The following DCLK3 variants were observed in gnomAD, a reference collection of about 807,000 sequenced individuals.
DCLK3 encodes doublecortin like kinase 3.
DCLK3 carries 30 observed loss-of-function variants against 46.4 expected under a neutral mutation model. The observed-to-expected ratio is 0.65, with a 90% CI of 0.48 to 0.88. The LOEUF (loss-of-function observed/expected upper bound fraction) is 0.88. DCLK3 is among the 40% of genes least tolerant of loss of function. The pLI, the probability that DCLK3 is intolerant of heterozygous loss-of-function variation, is 0.00. For synonymous variants in DCLK3, 401 were observed against 339.2 expected, an observed-to-expected ratio of 1.18 and a Z score of -2.00; for missense variants, 846 against 907.1, an observed-to-expected ratio of 0.93 and a Z score of 0.87.
chr3:36,742,429 C>G (rs2125533175), intron 1 of DCLK3, among the ~76,000 whole-genome samples: 1 of 152,300 alleles, frequency 6.6e-6, no homozygotes, highest in African/African-American at 2.4e-5. Context: ...AGAACAGCCT[C>G]CATCCCAGGG....
chr3:36,746,999 T>C (rs1333585785), intron 1 of DCLK3, among the ~76,000 whole-genome samples: 1 of 152,248 alleles, frequency 6.6e-6, no homozygotes. Context: ...AGTATCCTTT[T>C]GGGAGTGCAA....
In DCLK3 at chr3:36,715,186, T is replaced by A. The variant is rs1700959568; in HGVS notation, c.*142A>T. 3 of 878,838 alleles carry A rather than the reference T, an allele frequency of 3.4e-6. No homozygotes were observed. The highest frequency in any genetic ancestry group is 3.6e-5 in the Admixed American group (1 of 27,758). 54.4% of individuals were successfully genotyped at this position (878,838 alleles called of 1,614,324 possible). A position where few individuals can be genotyped will look rare whatever the true frequency, so the allele number is the denominator to read the frequency against. ...TAACATTGACTTAATTTTTTTAATA[T>A]GCTTTAAAATATACTCAGTGTCTCT... is the stretch of plus-strand genomic sequence containing the variant. On this transcript the variant is annotated 3_prime_UTR_variant, in exon 5 of 5. Transcript: ENST00000636136.
chr3:36,750,239 C>A (rs1032009990), intron 1 of DCLK3, among the ~76,000 whole-genome samples: 1 of 152,050 alleles, frequency 6.6e-6, no homozygotes, highest in Admixed American at 6.6e-5. Flanking sequence ...TACTACCACG[C>A]CCAGTTAATT....
chr3:36,713,942 G>A lies in DCLK3; in HGVS notation c.*1386C>T, dbSNP rs544350877. 2 of 152,284 alleles carry A rather than the reference G, an allele frequency of 1.3e-5. No individual in the cohort carries two copies. Among genetic ancestry groups the A allele is most frequent in the Non-Finnish European group, 2.9e-5 (2 of 68,194 alleles). The allele number at this position is 152,284 out of a possible 1,614,324, so 9.4% of individuals were successfully genotyped here. ...CCAGTGGAGGGTAATTCCTGTAGAG[G>A]GCTGAAAGCTGAGAGCCATCATCCA... On this transcript the variant is annotated 3_prime_UTR_variant, in exon 5 of 5. Coordinates refer to ENST00000636136, the MANE Select transcript of DCLK3 (RefSeq NM_001394672.2).
chr3:36,742,771 T>A (rs1701356899), intron 1 of DCLK3, among the ~76,000 whole-genome samples: 1 of 152,040 alleles, frequency 6.6e-6, no homozygotes, highest in South Asian at 2.1e-4. Context: ...AGGAAAAAAA[T>A]AAGAAGACTA....
chr3:36,724,375 G>A (rs1413391634), intron 2 of DCLK3, among the ~76,000 whole-genome samples: 1 of 152,176 alleles, frequency 6.6e-6, no homozygotes, highest in Admixed American at 6.5e-5. Flanking sequence ...AGACTTTGGG[G>A]AACTATTGAG....
At chr3:36,715,977 C>T (rs577118513) in intron 4 of DCLK3, among the ~76,000 whole-genome samples, 30 of 152,222 alleles carry the variant, frequency 2.0e-4, no homozygotes, top group East Asian at 1.5e-3. Context: ...GGTTTCAAAT[C>T]GAAACTAACA....
chr3:36,737,690 CCTTTTCTAG>C lies in DCLK3; in HGVS notation c.1468_1476del (p.Leu490_Lys492del). 6.2e-7 allele frequency: 1 copy of C among 1,613,790 alleles called. No individual in the cohort carries two copies. The highest frequency in any genetic ancestry group is 8.5e-7 in the Non-Finnish European group (1 of 1,179,928). On this transcript the variant is annotated inframe_deletion, in exon 2 of 5. Coordinates refer to ENST00000636136, the MANE Select transcript of DCLK3 (RefSeq NM_001394672.2). This position sits in a 1 kb window ranked among gnomAD's most constrained non-coding sequence, Gnocchi z 4.4. ...TTCTCTTCTGGCCTCGTCTTGGGCT[CCTTTTCTAG>C]CTTTGCAGGTTGGTCATCTCTGAGA...
intron 2 of DCLK3, among the ~76,000 whole-genome samples, chr3:36,722,983 A>G (rs6767212): frequency 0.059 from 8,926 of 152,294 alleles, 462 homozygotes; most frequent in African/African-American, 0.15. Flanking sequence ...TGGAGGGCTC[A>G]GAAGAAGACA....
In DCLK3 at chr3:36,737,855, T is replaced by C; in HGVS notation, c.1312A>G (p.Arg438Gly). 1 of 1,614,016 alleles carries C rather than the reference T, an allele frequency of 6.2e-7. No homozygotes were observed. Among genetic ancestry groups the C allele is most frequent in the African/African-American group, 1.3e-5 (1 of 75,064 alleles). The change falls in exon 2 of 5, where the codon AGG becomes GGG. Residue 438 changes from arginine (R) to glycine (G), a missense_variant. This residue lies in a region of DCLK3 where 553 missense variants were observed against 543.0 expected (regional missense o/e 1.02). Transcript: ENST00000636136. This position sits in a 1 kb window ranked among gnomAD's most constrained non-coding sequence, Gnocchi z 4.4. The part of the protein sequence containing the change: ...EVKKDTRPMS[R>G]SKHGGWLLRE... ...AGGAGCCAGCCACCATGTTTGCTCC[T>C]GCTCATGGGCCTGGTGTCCTTCTTC...
intron 1 of DCLK3, among the ~76,000 whole-genome samples, chr3:36,755,517 T>C (rs975874995): frequency 2.0e-5 from 3 of 152,216 alleles, no homozygotes; most frequent in Non-Finnish European, 4.4e-5. Context: ...GAATTTAGAT[T>C]CTTATTTTAC....
intron 2 of DCLK3, among the ~76,000 whole-genome samples, chr3:36,735,280 C>T (rs1407317967): frequency 2.6e-5 from 4 of 152,038 alleles, no homozygotes; most frequent in Non-Finnish European, 5.9e-5. Context: ...GGCTCAGACC[C>T]AAAAGACGGG....
intron 3 of DCLK3, among the ~76,000 whole-genome samples, chr3:36,718,796 T>C (rs1701020511): frequency 6.6e-6 from 1 of 152,186 alleles, no homozygotes. Flanking sequence ...GTTTACTAGC[T>C]GTATCCCCAT....
At chr3:36,747,640 A>G (rs1021355459) in intron 1 of DCLK3, among the ~76,000 whole-genome samples, 10 of 152,170 alleles carry the variant, frequency 6.6e-5, no homozygotes, top group Admixed American at 2.0e-4. Flanking sequence ...GAAAGGAACA[A>G]CTTCACAAAG....
At chr3:36,720,211 C>T (rs917594386) in intron 3 of DCLK3, among the ~76,000 whole-genome samples, 4 of 152,184 alleles carry the variant, frequency 2.6e-5, no homozygotes, top group African/African-American at 9.7e-5. Flanking sequence ...CTCTCTCTTG[C>T]TCCCAGTCCC....
chr3:36,758,346 G>A (rs865848019), intron 1 of DCLK3, among the ~76,000 whole-genome samples: 19 of 152,148 alleles, frequency 1.2e-4, no homozygotes, highest in South Asian at 4.1e-4. Flanking sequence ...TGTAGTTGAT[G>A]CTATGGTCTG....
At chr3:36,726,329 A>G (rs543495438) in intron 2 of DCLK3, among the ~76,000 whole-genome samples, 16 of 152,172 alleles carry the variant, frequency 1.1e-4, no homozygotes, top group Admixed American at 5.2e-4. Context: ...TAAGCAGTTA[A>G]TTAGACCACT....
At chr3:36,755,470 A>C (rs912758529) in intron 1 of DCLK3, among the ~76,000 whole-genome samples, 1 of 152,204 alleles carries the variant, frequency 6.6e-6, no homozygotes, top group Admixed American at 6.5e-5. Context: ...TTCTTATTCA[A>C]TATTGGAACA....
At chr3:36,731,520 T>C (rs1296970396) in intron 2 of DCLK3, among the ~76,000 whole-genome samples, 1 of 151,778 alleles carries the variant, frequency 6.6e-6, no homozygotes, top group Non-Finnish European at 1.5e-5. Context: ...TCTACAGTAT[T>C]CCACCTTCCA....
Sources: gnomAD v4.1 joint callset for allele counts (sites outside exome capture counted in the v4.1 genomes callset) on GRCh38, gnomAD v4.1.1 for gene constraint, gnomAD v4.1.1 regional missense constraint, Gnocchi (gnomAD v3.1) non-coding constraint, MANE v1.5 for transcripts, NCBI Gene and HGNC (gene_info 2026-07-23, HGNC 2026-07-21) for gene names.